LZTFL1: variants seen among roughly 807,000 people sequenced by gnomAD.
LZTFL1 encodes leucine zipper transcription factor-like protein 1.
In LZTFL1, 25 loss-of-function variants were observed where a neutral mutation model predicts 45.9. That is an observed-to-expected ratio of 0.54 (90% CI 0.40 to 0.76). The LOEUF is 0.76. Among genes scored for constraint, LZTFL1 ranks in the 30% least tolerant of loss-of-function variants. The probability of loss-of-function intolerance (pLI) is 0.00; values close to 1 mark genes in which losing one functional copy is unlikely to be tolerated. For synonymous variants in LZTFL1, 93 were observed against 117.4 expected (o/e 0.79, Z 1.35); for missense variants, 277 against 331.1 (o/e 0.84, Z 1.27).
At chr3:45,887,643 G>T (rs1258128815) in intron 2 of LZTFL1, among the ~76,000 whole-genome samples, 1 of 152,202 alleles carries the variant, frequency 6.6e-6, no homozygotes, top group Non-Finnish European at 1.5e-5. Flanking sequence ...TCCTGAACGA[G>T]CAAAAGCTAA....
intron 2 of LZTFL1, among the ~76,000 whole-genome samples, chr3:45,909,079 T>A (rs1243528867): frequency 1.3e-5 from 2 of 152,192 alleles, no homozygotes; most frequent in Non-Finnish European, 2.9e-5. Flanking sequence ...CCTATGAGAA[T>A]CTAATGCCTG....
intron 4 of LZTFL1, among the ~76,000 whole-genome samples, chr3:45,851,929 T>C (rs1701316600): frequency 6.6e-6 from 1 of 152,090 alleles, no homozygotes; most frequent in South Asian, 2.1e-4. Flanking sequence ...TTTTCCCCAA[T>C]TTTCTCTGGG....
chr3:45,889,032 C>T (rs1702065841), intron 2 of LZTFL1, among the ~76,000 whole-genome samples: 1 of 152,236 alleles, frequency 6.6e-6, no homozygotes, highest in South Asian at 2.1e-4. Flanking sequence ...GTCACTCAGG[C>T]TGCAGTGCAG....
At chr3:45,906,976 T>C (rs1470857025) in intron 2 of LZTFL1, among the ~76,000 whole-genome samples, 1 of 152,214 alleles carries the variant, frequency 6.6e-6, no homozygotes, top group Non-Finnish European at 1.5e-5. Context: ...AGATTCCCTG[T>C]GCGGGATCCA....
intron 2 of LZTFL1, among the ~76,000 whole-genome samples, chr3:45,888,552 T>C (rs1399743820): frequency 6.6e-6 from 1 of 152,204 alleles, no homozygotes; most frequent in African/African-American, 2.4e-5. Context: ...GTTCGATGGA[T>C]GGCCCATGGC....
chr3:45,885,771 G>A (rs1306103801), intron 2 of LZTFL1, among the ~76,000 whole-genome samples: 1 of 152,194 alleles, frequency 6.6e-6, no homozygotes, highest in Non-Finnish European at 1.5e-5. Context: ...GCCCAGGGTG[G>A]AGTGCAGTGG....
chr3:45,896,976 C>T (rs1485420532), intron 2 of LZTFL1, among the ~76,000 whole-genome samples: 1 of 152,194 alleles, frequency 6.6e-6, no homozygotes, highest in Non-Finnish European at 1.5e-5. Flanking sequence ...AGCTCTGGGA[C>T]CTTCTTCCTG....
Position 45,897,917 on chromosome 3 carries a change from G to A in LZTFL1, c.-215+15203C>T, listed in dbSNP as rs375992321. On this transcript the variant is annotated intron_variant, in intron 2 of 4. Coordinates refer to the LZTFL1 transcript ENST00000472635. ...GGCCCTCATCTGTGAGGCTGCTTGC[G>A]ATTTGCTTCACAGCCGTGGGCTCAG... Among the ~76,000 whole-genome samples, 8 of 140,160 alleles carry A rather than the reference G, an allele frequency of 5.7e-5. No individual in the cohort carries two copies. In the East Asian group the frequency reaches 8.7e-4, roughly 15 times the overall value. The allele number at this position is 140,160 out of a possible 152,430, so 92.0% of individuals were successfully genotyped here.
At chr3:45,893,669 A>G (rs981639241) in intron 2 of LZTFL1, among the ~76,000 whole-genome samples, 1 of 152,250 alleles carries the variant, frequency 6.6e-6, no homozygotes, top group Non-Finnish European at 1.5e-5. Context: ...GATATTTCAC[A>G]GTTAACTTAT....
chr3:45,831,697 T>G (rs1431448786), intron 5 of LZTFL1, among the ~76,000 whole-genome samples: 1 of 152,222 alleles, frequency 6.6e-6, no homozygotes, highest in Non-Finnish European at 1.5e-5. Flanking sequence ...TGCCGCCTCC[T>G]GTCTGACCAC....
At chr3:45,845,953 C>T (rs144316961), upstream of LZTFL1, among the ~76,000 whole-genome samples, 10 of 152,276 alleles carry the variant, frequency 6.6e-5, no homozygotes, top group African/African-American at 1.9e-4. Flanking sequence ...ATGAGTTTGT[C>T]TTCCCAACTA....
intron 1 of LZTFL1, 62 bp from the exon 2 acceptor site, chr3:45,838,113 GA>G: frequency 6.6e-7 from 1 of 1,504,954 alleles, no homozygotes; most frequent in Non-Finnish European, 8.9e-7. Context: ...AGCCAACAAT[GA>G]AAATGCATAA....
At chr3:45,828,709 A>G in intron 7 of LZTFL1, 94 bp from the exon 8 acceptor site, 1 of 1,135,854 alleles carries the variant, frequency 8.8e-7, no homozygotes, top group Non-Finnish European at 1.3e-6. Flanking sequence ...AGATGAAAAA[A>G]ATGATGTATG....
At chr3:45,909,609 A>T (rs534662686) in intron 2 of LZTFL1, among the ~76,000 whole-genome samples, 1 of 152,370 alleles carries the variant, frequency 6.6e-6, no homozygotes, top group Admixed American at 6.5e-5. Context: ...CCAAATCACA[A>T]TTTTAAAACA....
upstream of LZTFL1, among the ~76,000 whole-genome samples, chr3:45,845,231 T>A (rs565116913): frequency 1.3e-5 from 2 of 152,070 alleles, no homozygotes; most frequent in Non-Finnish European, 2.9e-5. Flanking sequence ...CAAGACACAA[T>A]GGGGAAGGGA....
At chr3:45,886,165 G>A (rs1363923547) in intron 2 of LZTFL1, among the ~76,000 whole-genome samples, 1 of 152,168 alleles carries the variant, frequency 6.6e-6, no homozygotes, top group East Asian at 1.9e-4. Flanking sequence ...TCTGCCACTG[G>A]GTGGTAATCT....
intron 1 of LZTFL1, chr3:45,913,203 T>G: frequency 2.7e-6 from 4 of 1,460,516 alleles, no homozygotes; most frequent in Non-Finnish European, 3.7e-6. Context: ...ATTACACAAA[T>G]TAAACAATGC....
chr3:45,881,938 G>A (rs943362022), intron 2 of LZTFL1, among the ~76,000 whole-genome samples: 25 of 152,258 alleles, frequency 1.6e-4, no homozygotes, highest in African/African-American at 4.6e-4. Context: ...CACTGGCCAT[G>A]TTGGCTGTTT....
At position 45,901,621 on chromosome 3, in the gene LZTFL1, C is replaced by T. The variant is rs749878928; in HGVS notation, c.-215+11499G>A. The T allele has an allele frequency of 1.2e-6, 2 of 1,614,082 alleles. No homozygotes were observed. Among genetic ancestry groups the T allele is most frequent in the African/African-American group, 1.3e-5 (1 of 74,938 alleles). Reference sequence around the variant, plus strand: ...TACAACTGCATTTTGTTGGTGCAGACCATTGACGCCTATGCCATGTTCATC... The same window carrying T: ...TACAACTGCATTTTGTTGGTGCAGATCATTGACGCCTATGCCATGTTCATC... On this transcript the variant is annotated intron_variant, in intron 2 of 4. Coordinates refer to the LZTFL1 transcript ENST00000472635. The surrounding 1 kb of genome is among the most constrained non-coding windows in gnomAD (Gnocchi z 4.3).
Sources: allele counts gnomAD v4.1 joint callset (sites outside exome capture counted in the v4.1 genomes callset), GRCh38; gene constraint gnomAD v4.1.1; non-coding constraint Gnocchi (gnomAD v3.1); transcripts MANE v1.5; gene names NCBI Gene and HGNC (gene_info 2026-07-23, HGNC 2026-07-21).